AOPEP: variants seen among roughly 807,000 people sequenced by gnomAD.
AOPEP encodes the protein aminopeptidase O (putative), also known as aminopeptidase O.
AOPEP carries 77 observed loss-of-function variants against 98.1 expected under a neutral mutation model. The ratio of observed to expected loss-of-function variants is 0.78; its 90% CI spans 0.65 to 0.95. AOPEP has a LOEUF of 0.95. Ranked by LOEUF, AOPEP falls within the 40% of genes least tolerant of loss-of-function variation. The probability of loss-of-function intolerance (pLI) is 0.00; values close to 1 mark genes in which losing one functional copy is unlikely to be tolerated. For missense variants in AOPEP, 1,024 were observed against 1,024.7 expected (o/e 1.00, Z 0.01); for synonymous variants, 346 against 365.3 (o/e 0.95, Z 0.60).
intron 5 of AOPEP, among the ~76,000 whole-genome samples, chr9:94,917,344 C>T (rs1015365473): frequency 2.0e-5 from 3 of 152,150 alleles, no homozygotes; most frequent in Admixed American, 1.3e-4. Flanking sequence ...GCTGTTTTTC[C>T]TGCTAGCAAT....
chr9:95,139,383 C>T, the AOPEP span, among the ~76,000 whole-genome samples: 1 of 152,136 alleles, frequency 6.6e-6, no homozygotes, highest in Non-Finnish European at 1.5e-5. Context: ...GAAGAAAATG[C>T]AAGACACACA....
chr9:94,991,807 G>A (rs2060908221), intron 11 of AOPEP, among the ~76,000 whole-genome samples: 3 of 152,130 alleles, frequency 2.0e-5, no homozygotes. Flanking sequence ...GTATCTAGAT[G>A]GAATATTTTG....
intron 4 of AOPEP, 28 bp downstream of exon 4, chr9:94,792,946 G>T: frequency 7.1e-6 from 9 of 1,271,698 alleles, no homozygotes; most frequent in Middle Eastern, 2.2e-4. Context: ...TGCTGGGAAG[G>T]AAAAAAAAAA....
rs533427778 is a variant in AOPEP at position 94,790,083 on chromosome 9, G to C, written c.965-2682G>C. Among the ~76,000 whole-genome samples the C allele has an allele frequency of 7.2e-3, 1,088 of 151,412 alleles. 7 individuals are homozygous for C. Among genetic ancestry groups the C allele is most frequent in the Non-Finnish European group, 0.013 (884 of 67,916 alleles). On this transcript the variant is annotated intron_variant, in intron 3 of 16. Transcript: ENST00000375315. ...GTAGAGACGGGGTTTCACCGTGTTA[G>C]CCAGGATGGTCTCGATCTCCTGACC... is the stretch of plus-strand genomic sequence containing the variant.
intron 13 of AOPEP, among the ~76,000 whole-genome samples, chr9:95,016,841 T>C (rs1317091731): frequency 6.6e-6 from 1 of 151,306 alleles, no homozygotes. Flanking sequence ...CCACAAGCAA[T>C]CCTTGTGCTT....
intron 13 of AOPEP, among the ~76,000 whole-genome samples, chr9:95,032,071 G>A (rs937934481): frequency 6.6e-6 from 1 of 152,190 alleles, no homozygotes; most frequent in African/African-American, 2.4e-5. Flanking sequence ...ATGATCAGAA[G>A]GTACATGTCC....
intron 4 of AOPEP, among the ~76,000 whole-genome samples, chr9:94,796,852 T>C (rs1164972408): frequency 6.6e-6 from 1 of 152,250 alleles, no homozygotes; most frequent in Non-Finnish European, 1.5e-5. Context: ...CACAGGGGAA[T>C]CTTTGTGTTA....
At chr9:95,082,524 T>G in intron 15 of AOPEP, 51 bp from the exon 16 acceptor site, 1 of 1,600,326 alleles carries the variant, frequency 6.2e-7, no homozygotes, top group Non-Finnish European at 8.5e-7. Context: ...TGTGCGTGTG[T>G]GTGGGTACCC....
At chr9:95,110,387 A>G in the AOPEP span, 1 of 1,023,652 alleles carries the variant, frequency 9.8e-7, no homozygotes, top group Non-Finnish European at 1.2e-6. Flanking sequence ...TGTGCCCCGT[A>G]CATCTTATTA....
chr9:95,031,176 CAA>C (rs1164930128), intron 13 of AOPEP, among the ~76,000 whole-genome samples: 1 of 152,100 alleles, frequency 6.6e-6, no homozygotes, highest in Non-Finnish European at 1.5e-5. Context: ...GTTAACAGCA[CAA>C]AGTGTTAAAT....
chr9:94,856,416 C>T (rs1429344305), intron 5 of AOPEP, among the ~76,000 whole-genome samples: 4 of 151,906 alleles, frequency 2.6e-5, no homozygotes, highest in East Asian at 3.9e-4. Context: ...CTGAGGCGGG[C>T]GGATCACCAG....
chr9:95,002,562 TGGG>T (rs979658964), intron 11 of AOPEP, among the ~76,000 whole-genome samples: 7 of 152,170 alleles, frequency 4.6e-5, no homozygotes, highest in African/African-American at 1.7e-4. Flanking sequence ...AGCTGGTGAG[TGGG>T]TACAAATATG....
chr9:94,990,328 C>G (rs1310982342), intron 11 of AOPEP, among the ~76,000 whole-genome samples: 2 of 152,128 alleles, frequency 1.3e-5, no homozygotes, highest in African/African-American at 4.8e-5. Context: ...TATTGGCCCA[C>G]AGAAAGAGTC....
intron 5 of AOPEP, among the ~76,000 whole-genome samples, chr9:94,844,597 C>T (rs2042636742): frequency 6.6e-6 from 1 of 152,196 alleles, no homozygotes; most frequent in South Asian, 2.1e-4. Flanking sequence ...ACTTACTCTT[C>T]CAGTCTAACT....
chr9:94,781,743 G>A (rs1480266706), intron 3 of AOPEP, among the ~76,000 whole-genome samples: 1 of 150,928 alleles, frequency 6.6e-6, no homozygotes, highest in Non-Finnish European at 1.5e-5. Flanking sequence ...TGTATTTTTA[G>A]CAGAGACGGG....
intron 5 of AOPEP, among the ~76,000 whole-genome samples, chr9:94,821,788 A>T (rs1853205316): frequency 6.6e-6 from 1 of 152,338 alleles, no homozygotes; most frequent in South Asian, 2.1e-4. Flanking sequence ...TGGTGGTAAC[A>T]TCAATGGGAG....
At chr9:94,933,794 C>G in intron 7 of AOPEP, 1 of 469,516 alleles carries the variant, frequency 2.1e-6, no homozygotes. Context: ...GTCTCCCAGG[C>G]TGGAGTGCAG....
intron 9 of AOPEP, among the ~76,000 whole-genome samples, chr9:94,958,922 T>C (rs970132247): frequency 7.9e-5 from 12 of 152,220 alleles, no homozygotes; most frequent in African/African-American, 2.9e-4. Context: ...TATTATGCTT[T>C]AAGTGTCATA....
At chr9:94,956,184 G>A (rs2058441242) in intron 9 of AOPEP, among the ~76,000 whole-genome samples, 169 bp downstream of exon 9, 1 of 152,182 alleles carries the variant, frequency 6.6e-6, no homozygotes, top group South Asian at 2.1e-4. Flanking sequence ...CTTCAGGGAA[G>A]GTGATCTCTC....
Sources: gnomAD v4.1 joint callset for allele counts (sites outside exome capture counted in the v4.1 genomes callset) on GRCh38, gnomAD v4.1.1 for gene constraint, MANE v1.5 for transcripts, NCBI Gene and HGNC (gene_info 2026-07-23, HGNC 2026-07-21) for gene names.